Variants in TANC1 observed in about 807,000 individuals in gnomAD.
TANC1 encodes the protein protein TANC1.
TANC1 carries 77 observed loss-of-function variants against 149.7 expected under a neutral mutation model. The observed-to-expected ratio is 0.51, with a 90% confidence interval of 0.43 to 0.62. TANC1 has a LOEUF of 0.62. Among genes scored for constraint, TANC1 ranks in the 20% least tolerant of loss-of-function variants. The pLI, the probability that TANC1 is intolerant of heterozygous loss-of-function variation, is 0.00. For synonymous variants in TANC1, 854 were observed against 925.0 expected, an observed-to-expected ratio of 0.92 and a Z score of 1.39; for missense variants, 1,985 against 2,321.8, an observed-to-expected ratio of 0.85 and a Z score of 2.98.
At chr2:158,980,476 A>T (rs999611575) in intron 1 of TANC1, among the ~76,000 whole-genome samples, 4 of 152,130 alleles carry the variant, frequency 2.6e-5, no homozygotes, top group African/African-American at 4.8e-5. Flanking sequence ...ACAATAATTT[A>T]AAAATATTAT....
In TANC1 at chr2:159,178,783, C is replaced by G; in HGVS notation, c.2130C>G (p.Thr710=). The change falls in exon 14 of 27, where the codon ACC becomes ACG. Residue 710 remains threonine, a synonymous_variant. Coordinates refer to ENST00000263635, the MANE Select transcript of TANC1 (RefSeq NM_033394.3). ...SLGSYLYLKL[T]LDLFQRGHLV... ...GCTCCTACCTGTACCTCAAGCTCAC[C>G]CTGGACCTTTTCCAGAGGGGCCACT... 6.2e-7 allele frequency: 1 copy of G among 1,614,196 alleles called. No individual in the cohort carries two copies. The highest frequency in any genetic ancestry group is 1.3e-5 in the African/African-American group (1 of 75,050).
At chr2:159,043,463 AT>A (rs2040812203) in intron 2 of TANC1, among the ~76,000 whole-genome samples, 1 of 152,128 alleles carries the variant, frequency 6.6e-6, no homozygotes, top group South Asian at 2.1e-4. Flanking sequence ...TTCTTGGTAA[AT>A]TTTGAGGGCT....
chr2:158,977,525 G>A (rs992332568), intron 1 of TANC1, among the ~76,000 whole-genome samples: 1 of 151,556 alleles, frequency 6.6e-6, no homozygotes, highest in African/African-American at 2.4e-5. Context: ...TGGCCAGGCT[G>A]GTCTCAAACT....
intron 23 of TANC1, chr2:159,225,421 G>T: frequency 1.9e-6 from 1 of 533,244 alleles, no homozygotes; most frequent in Admixed American, 3.2e-5. Context: ...CATCCCACCC[G>T]GAAGGGAGGA....
chr2:159,230,897 C>A lies in TANC1; in HGVS notation c.5471C>A (p.Ser1824Tyr). Residue 1824 changes from serine to tyrosine, a missense_variant, in exon 27 of 27, where the codon TCT becomes TAT. Physicochemically the swap from Ser to Tyr is moderately radical, Grantham distance 144. Coordinates refer to ENST00000263635, the MANE Select transcript of TANC1 (RefSeq NM_033394.3). This position sits in a 1 kb window ranked among gnomAD's most constrained non-coding sequence, Gnocchi z 4.4. ...GAGAACAGGATAACTAAGACTGTTT[C>A]TCATCTGTACCAGGAAAGTATCTCC... The part of the protein sequence containing the change: ...SQENRITKTV[S>Y]HLYQESISKQ... 6.2e-7 allele frequency: 1 copy of A among 1,614,192 alleles called. No homozygotes were observed. The highest frequency in any genetic ancestry group is 2.2e-5 in the East Asian group (1 of 44,886).
chr2:159,151,488 G>A (rs1007429151), intron 7 of TANC1, among the ~76,000 whole-genome samples: 1 of 152,226 alleles, frequency 6.6e-6, no homozygotes, highest in Non-Finnish European at 1.5e-5. Context: ...AGTTATGCAC[G>A]TGTCTTTGAG....
chr2:159,204,024 C>T (rs1378331970), intron 19 of TANC1, among the ~76,000 whole-genome samples: 2 of 152,360 alleles, frequency 1.3e-5, no homozygotes, highest in East Asian at 1.9e-4. Context: ...CTACTAGCCA[C>T]ATGTGGCTAT....
intron 3 of TANC1, among the ~76,000 whole-genome samples, chr2:159,078,223 A>G (rs1260509560): frequency 1.3e-5 from 2 of 152,208 alleles, no homozygotes; most frequent in African/African-American, 2.4e-5. Flanking sequence ...CTTGGCATAT[A>G]GTATATGTTA....
At chr2:159,020,626 A>G (rs2038751505) in intron 2 of TANC1, among the ~76,000 whole-genome samples, 1 of 152,244 alleles carries the variant, frequency 6.6e-6, no homozygotes, top group Admixed American at 6.5e-5. Context: ...TGTGAAGTCA[A>G]CTAAGAATTT....
chr2:158,993,725 T>G (rs780823232), intron 1 of TANC1, among the ~76,000 whole-genome samples: 17 of 152,194 alleles, frequency 1.1e-4, no homozygotes, highest in Non-Finnish European at 2.2e-4. Flanking sequence ...CTGAATTCTC[T>G]CCCCTGAACT....
At chr2:158,982,437 T>C (rs958459346) in intron 1 of TANC1, among the ~76,000 whole-genome samples, 7 of 152,278 alleles carry the variant, frequency 4.6e-5, no homozygotes, top group Non-Finnish European at 1.0e-4. Context: ...CCTGTTTCTA[T>C]GTCTGTAGAA....
intron 3 of TANC1, among the ~76,000 whole-genome samples, chr2:159,086,534 T>C (rs757280972): frequency 2.0e-5 from 3 of 152,146 alleles, no homozygotes; most frequent in Non-Finnish European, 4.4e-5. Context: ...AAGTGAGACC[T>C]TCCTGGAAGA....
intron 3 of TANC1, among the ~76,000 whole-genome samples, chr2:159,075,941 T>C (rs1166379897): frequency 6.6e-6 from 1 of 152,240 alleles, no homozygotes; most frequent in African/African-American, 2.4e-5. Context: ...AGTATGTGAA[T>C]GTGCCTGCTT....
intron 7 of TANC1, among the ~76,000 whole-genome samples, chr2:159,160,750 C>T (rs911183002): frequency 3.3e-5 from 5 of 152,184 alleles, no homozygotes; most frequent in Non-Finnish European, 5.9e-5. Flanking sequence ...ACATGTGGAC[C>T]GTGGAATGCC....
intron 24 of TANC1, chr2:159,226,637 G>GGA (rs2060041718): frequency 6.6e-6 from 1 of 152,100 alleles, no homozygotes; most frequent in Non-Finnish European, 1.5e-5. Context: ...TTTTCCCTTG[G>GGA]AAATGGAAAT....
chr2:159,228,428 CT>C (rs11411035), intron 25 of TANC1: 28 of 247,502 alleles, frequency 1.1e-4, no homozygotes, highest in East Asian at 6.2e-4. Context: ...TACTTCCTAC[CT>C]TTTTTTTAAC....
intron 2 of TANC1, among the ~76,000 whole-genome samples, chr2:159,059,591 C>T (rs747002483): frequency 3.3e-5 from 5 of 152,066 alleles, no homozygotes; most frequent in African/African-American, 4.8e-5. Flanking sequence ...TTCTAGCCAT[C>T]CCCCGCACCC....
intron 1 of TANC1, among the ~76,000 whole-genome samples, chr2:158,987,419 G>C (rs946407120): frequency 3.3e-5 from 5 of 151,564 alleles, no homozygotes; most frequent in African/African-American, 1.2e-4. Flanking sequence ...CCAGCTACTT[G>C]GGTGGCTGGG....
At chr2:158,991,206 G>A (rs1256980933) in intron 1 of TANC1, among the ~76,000 whole-genome samples, 1 of 151,436 alleles carries the variant, frequency 6.6e-6, no homozygotes, top group Non-Finnish European at 1.5e-5. Context: ...TAAATTTCCT[G>A]TTTTGATAGG....
Sources: allele counts gnomAD v4.1 joint callset (sites outside exome capture counted in the v4.1 genomes callset), GRCh38; gene constraint gnomAD v4.1.1; non-coding constraint Gnocchi (gnomAD v3.1); transcripts MANE v1.5; gene names NCBI Gene and HGNC (gene_info 2026-07-23, HGNC 2026-07-21).